The following IKZF1 variants were observed in gnomAD, a reference collection of about 807,000 sequenced individuals.
IKZF1 encodes IKAROS family zinc finger 1, also known as DNA-binding protein Ikaros.
In IKZF1, 10 loss-of-function variants were observed where a neutral mutation model predicts 51.7. The ratio of observed to expected loss-of-function variants is 0.19; its 90% CI spans 0.12 to 0.33. The LOEUF is 0.33. Among genes scored for constraint, IKZF1 ranks in the 10% least tolerant of loss-of-function variants. IKZF1 has a pLI of 1.00. For missense variants in IKZF1, 484 were observed against 707.5 expected (o/e 0.68, Z 3.58); for synonymous variants, 280 against 282.3 (o/e 0.99, Z 0.08).
At chr7:50,329,898 A>G (rs1484224984) in intron 3 of IKZF1, among the ~76,000 whole-genome samples, 4 of 152,250 alleles carry the variant, frequency 2.6e-5, no homozygotes, top group Admixed American at 6.5e-5. Context: ...CATCGTGGCT[A>G]GGGCATCTTT....
At chr7:50,393,381 G>A (rs1361062123) in intron 7 of IKZF1, among the ~76,000 whole-genome samples, 1 of 152,164 alleles carries the variant, frequency 6.6e-6, no homozygotes, top group East Asian at 1.9e-4. Flanking sequence ...CAGAACAGGG[G>A]CTGGTGAGGC....
chr7:50,356,422 G>A lies in IKZF1; in HGVS notation c.161-20111G>A, dbSNP rs149526238. 3.8e-3 allele frequency among the ~76,000 whole-genome samples: 583 copies of A among 152,256 alleles called. 5 individuals are homozygous for A. Among genetic ancestry groups the A allele is most frequent in the African/African-American group, 0.013 (553 of 41,532 alleles). On this transcript the variant is annotated intron_variant, in intron 3 of 7. Transcript: ENST00000331340. Reference sequence around the variant, plus strand: ...ACAACTATGAGCTCATACTCTTCTAGCAGTTTAATTTAGACCCAAGAAAGG... The same window carrying A: ...ACAACTATGAGCTCATACTCTTCTAACAGTTTAATTTAGACCCAAGAAAGG...
At chr7:50,368,291 T>C (rs949468202) in intron 3 of IKZF1, 22 of 703,192 alleles carry the variant, frequency 3.1e-5, no homozygotes, top group Non-Finnish European at 5.5e-5. Flanking sequence ...GGAGTAACAG[T>C]AAGGGTTGGA....
chr7:50,400,774 G>T lies in IKZF1; in HGVS notation c.*147G>T. 9.4e-7 allele frequency: 1 copy of T among 1,067,808 alleles called. No individual in the cohort carries two copies. Among genetic ancestry groups the T allele is most frequent in the East Asian group, 2.6e-5 (1 of 38,408 alleles). 66.1% of individuals were successfully genotyped at this position (1,067,808 alleles called of 1,614,324 possible). On this transcript the variant is annotated 3_prime_UTR_variant, in exon 8 of 8. Transcript: ENST00000331340. This position sits in a 1 kb window ranked among gnomAD's most constrained non-coding sequence, Gnocchi z 5.4. Reference sequence around the variant, plus strand: ...TGTAACTGTTTTTTGTTTTTTGTTTGAGTTGGTTGATTGGGGTTTGATTTG... The same window carrying T: ...TGTAACTGTTTTTTGTTTTTTGTTTTAGTTGGTTGATTGGGGTTTGATTTG...
Position 50,400,691 on chromosome 7 carries a change from T to C in IKZF1, c.*64T>C. ...CAGGAAAAGCACAAGGACTGCCGCCTTCTCGCTCCCGCCAGCAGCATAGAC... is the reference window on the plus strand; with the variant it reads ...CAGGAAAAGCACAAGGACTGCCGCCCTCTCGCTCCCGCCAGCAGCATAGAC... On this transcript the variant is annotated 3_prime_UTR_variant, in exon 8 of 8. Coordinates refer to ENST00000331340, the MANE Select transcript of IKZF1 (RefSeq NM_006060.6). This position sits in a 1 kb window ranked among gnomAD's most constrained non-coding sequence, Gnocchi z 5.4. 1 of 1,516,258 alleles carries C rather than the reference T, an allele frequency of 6.6e-7. No individual in the cohort carries two copies. Among genetic ancestry groups the C allele is most frequent in the Admixed American group, 2.0e-5 (1 of 50,510 alleles). 93.9% of individuals were successfully genotyped at this position (1,516,258 alleles called of 1,614,324 possible). A position where few individuals can be genotyped will look rare whatever the true frequency, so the allele number is the denominator to read the frequency against.
intron 3 of IKZF1, among the ~76,000 whole-genome samples, chr7:50,349,142 G>A (rs1801170698): frequency 6.6e-6 from 1 of 152,200 alleles, no homozygotes; most frequent in African/African-American, 2.4e-5. Context: ...CATTACCACT[G>A]TCTAGTGTAG....
chr7:50,316,200 G>A (rs1015037691), intron 1 of IKZF1, among the ~76,000 whole-genome samples: 1 of 152,140 alleles, frequency 6.6e-6, no homozygotes, highest in African/African-American at 2.4e-5. Flanking sequence ...AGAATTCACA[G>A]GGCTCAGTGC....
At chr7:50,349,152 G>A (rs567251430) in intron 3 of IKZF1, among the ~76,000 whole-genome samples, 1 of 152,278 alleles carries the variant, frequency 6.6e-6, no homozygotes, top group African/African-American at 2.4e-5. Flanking sequence ...GTCTAGTGTA[G>A]GCCTGTGTGT....
chr7:50,318,856 T>C (rs1792313004), intron 1 of IKZF1, among the ~76,000 whole-genome samples, 192 bp from the exon 2 acceptor site: 3 of 152,232 alleles, frequency 2.0e-5, no homozygotes, highest in Admixed American at 2.0e-4. Flanking sequence ...TATAAATCTT[T>C]GTAATGCTGT....
At chr7:50,354,965 C>A (rs367843277) in intron 3 of IKZF1, among the ~76,000 whole-genome samples, 1 of 152,104 alleles carries the variant, frequency 6.6e-6, no homozygotes, top group Non-Finnish European at 1.5e-5. Flanking sequence ...ATACATAATG[C>A]GTGGCAATGC....
chr7:50,342,637 G>A (rs1799316490), intron 3 of IKZF1, among the ~76,000 whole-genome samples: 1 of 150,836 alleles, frequency 6.6e-6, no homozygotes, highest in African/African-American at 2.4e-5. Context: ...GAGAGGTGGT[G>A]AAGGAAAGGC....
chr7:50,376,382 C>T lies in IKZF1; in HGVS notation c.161-151C>T, dbSNP rs1010657480. On this transcript the variant is annotated intron_variant, in intron 3 of 7. Coordinates refer to ENST00000331340, the MANE Select transcript of IKZF1 (RefSeq NM_006060.6). The surrounding 1 kb of genome is among the most constrained non-coding windows in gnomAD (Gnocchi z 4.5). ...AGCCCACTCAAGGCTGAATGCACGG[C>T]GAGCTCAGGCTGCTCTCCCCTTGGT... 10 of 1,309,606 alleles carry T rather than the reference C, an allele frequency of 7.6e-6. No individual in the cohort carries two copies. The highest frequency in any genetic ancestry group is 2.4e-5 in the Admixed American group (1 of 41,696). 81.1% of individuals were successfully genotyped at this position (1,309,606 alleles called of 1,614,324 possible).
chr7:50,310,443 C>T (rs1378944897), intron 1 of IKZF1, among the ~76,000 whole-genome samples: 1 of 152,170 alleles, frequency 6.6e-6, no homozygotes, highest in Non-Finnish European at 1.5e-5. Context: ...TAAATAAAGA[C>T]ATGCCCATTT....
chr7:50,364,482 A>G (rs1806228656), intron 3 of IKZF1, among the ~76,000 whole-genome samples: 1 of 152,360 alleles, frequency 6.6e-6, no homozygotes, highest in Non-Finnish European at 1.5e-5. Flanking sequence ...GCATCCTTTT[A>G]TTAAACAGTG....
chr7:50,378,909 A>G (rs1186873446), intron 4 of IKZF1, among the ~76,000 whole-genome samples: 6 of 152,380 alleles, frequency 3.9e-5, no homozygotes, highest in Admixed American at 3.3e-4. Flanking sequence ...AGATACAGAA[A>G]TACCTGGTTT....
intron 3 of IKZF1, among the ~76,000 whole-genome samples, chr7:50,333,299 A>G (rs1796817534): frequency 7.6e-6 from 1 of 132,270 alleles, no homozygotes; most frequent in African/African-American, 2.8e-5. Flanking sequence ...TTCATTTTAC[A>G]GTTTCAGGCA....
intron 3 of IKZF1, among the ~76,000 whole-genome samples, chr7:50,359,560 A>G (rs991402508): frequency 2.0e-5 from 3 of 152,180 alleles, no homozygotes; most frequent in Admixed American, 1.3e-4. Context: ...TGGACTCTCT[A>G]CCTGTGAGTC....
intron 3 of IKZF1, among the ~76,000 whole-genome samples, chr7:50,371,159 T>C (rs989106451): frequency 1.3e-5 from 2 of 152,184 alleles, no homozygotes; most frequent in Admixed American, 1.3e-4. Context: ...ATTTCTCATA[T>C]GGCATTTTCA....
chr7:50,330,884 C>T (rs1007835021), intron 3 of IKZF1, among the ~76,000 whole-genome samples: 4 of 152,144 alleles, frequency 2.6e-5, no homozygotes, highest in African/African-American at 9.7e-5. Flanking sequence ...GGGTGAGCAG[C>T]AGGGGCGGAG....
Sources: allele counts gnomAD v4.1 joint callset (sites outside exome capture counted in the v4.1 genomes callset), GRCh38; gene constraint gnomAD v4.1.1; non-coding constraint Gnocchi (gnomAD v3.1); transcripts MANE v1.5; gene names NCBI Gene and HGNC (gene_info 2026-07-23, HGNC 2026-07-21).